Variants in GTF2H5 observed in about 807,000 individuals in gnomAD.
GTF2H5 encodes the protein general transcription factor IIH subunit 5.
Under a neutral mutation model 7.1 loss-of-function variants are expected in GTF2H5, and 5 were observed. That is an observed-to-expected ratio of 0.71 (90% CI 0.37 to 1.49). The LOEUF (loss-of-function observed/expected upper bound fraction) is 1.49. Ranked by LOEUF, GTF2H5 falls within the 40% of genes most tolerant of loss-of-function variation. The pLI, the probability that GTF2H5 is intolerant of heterozygous loss-of-function variation, is 0.03. For synonymous variants in GTF2H5, 30 were observed against 31.7 expected (o/e 0.95, Z 0.18); for missense variants, 80 against 83.0 (o/e 0.96, Z 0.14).
Position 158,193,401 on chromosome 6 carries a change from T to C in GTF2H5, c.*1244T>C, listed in dbSNP as rs1777059235. ...GCTTCCCTTCCTGAAGATCATGTCA[T>C]TGGGGTGGGTTCCTGTAAAGGGAAT... On this transcript the variant is annotated 3_prime_UTR_variant, in exon 3 of 3. Transcript: ENST00000607778. The C allele has an allele frequency of 6.6e-6, 1 of 152,164 alleles. No individual in the cohort carries two copies. The highest frequency in any genetic ancestry group is 1.5e-5 in the Non-Finnish European group (1 of 68,024). 9.4% of individuals were successfully genotyped at this position (152,164 alleles called of 1,614,324 possible).
intron 2 of GTF2H5, among the ~76,000 whole-genome samples, chr6:158,174,232 T>C (rs1322257461): frequency 2.0e-5 from 3 of 152,182 alleles, no homozygotes; most frequent in African/African-American, 7.2e-5. Flanking sequence ...GTCCCATCAT[T>C]GTATTAATAG....
chr6:158,177,222 A>G (rs761323832), intron 2 of GTF2H5, among the ~76,000 whole-genome samples: 8 of 152,248 alleles, frequency 5.3e-5, no homozygotes, highest in Non-Finnish European at 1.2e-4. Flanking sequence ...TTAATTGCTC[A>G]TTTGAGTACC....
chr6:158,174,259 G>T (rs1785899806), intron 2 of GTF2H5, among the ~76,000 whole-genome samples: 1 of 152,028 alleles, frequency 6.6e-6, no homozygotes, highest in South Asian at 2.1e-4. Flanking sequence ...ATGTGTAATA[G>T]CTTATATAGT....
chr6:158,183,431 C>T (rs1199961304), intron 2 of GTF2H5, among the ~76,000 whole-genome samples: 2 of 152,286 alleles, frequency 1.3e-5, no homozygotes, highest in East Asian at 1.9e-4. Context: ...CAGGCAGGGA[C>T]GTTTAAGTCT....
chr6:158,181,383 A>C (rs940854411), intron 2 of GTF2H5, among the ~76,000 whole-genome samples: 1 of 152,164 alleles, frequency 6.6e-6, no homozygotes. Flanking sequence ...GATGTCTGTT[A>C]GGTCCACTTG....
At chr6:158,176,991 C>G (rs1390859830) in intron 2 of GTF2H5, among the ~76,000 whole-genome samples, 1 of 152,108 alleles carries the variant, frequency 6.6e-6, no homozygotes. Flanking sequence ...GCCAGGTGTT[C>G]CTTGCCCTCA....
chr6:158,175,044 G>GTATATGTGTGTGTGTGTGTGTGTGTA (rs1554267664), intron 2 of GTF2H5, among the ~76,000 whole-genome samples: 2 of 142,794 alleles, frequency 1.4e-5, no homozygotes, highest in African/African-American at 5.3e-5. Context: ...GTGTGTGTGT[G>GTATATGTGTGTGTGTGTGTGTGTGTA]TATACACACA....
At chr6:158,183,644 C>T (rs1462930299) in intron 2 of GTF2H5, among the ~76,000 whole-genome samples, 1 of 152,192 alleles carries the variant, frequency 6.6e-6, no homozygotes, top group Non-Finnish European at 1.5e-5. Context: ...TCCGGTGTCC[C>T]AAGTCAATCT....
chr6:158,180,298 A>G (rs1046334100), intron 2 of GTF2H5, among the ~76,000 whole-genome samples: 2 of 152,184 alleles, frequency 1.3e-5, no homozygotes, highest in African/African-American at 4.8e-5. Context: ...AGATTTTTGC[A>G]TAGATGTTCA....
chr6:158,197,772 C>A lies in GTF2H5; in HGVS notation c.*5615C>A, dbSNP rs2128433153. 1 of 152,224 alleles carries A rather than the reference C, an allele frequency of 6.6e-6. No homozygotes were observed. The highest frequency in any genetic ancestry group is 1.5e-5 in the Non-Finnish European group (1 of 68,012). 9.4% of individuals were successfully genotyped at this position (152,224 alleles called of 1,614,324 possible). ...TTTAGCTAGAATTTCTATCAAAAAT[C>A]ATTAGGTATCCATCTCCCAGTCCTG... On this transcript the variant is annotated 3_prime_UTR_variant, in exon 3 of 3. Coordinates refer to ENST00000607778, the MANE Select transcript of GTF2H5 (RefSeq NM_207118.3).
intron 2 of GTF2H5, among the ~76,000 whole-genome samples, chr6:158,189,650 C>T (rs1776986582): frequency 6.6e-6 from 1 of 152,208 alleles, no homozygotes; most frequent in Non-Finnish European, 1.5e-5. Context: ...TTCGCCAGAC[C>T]TATGGTCTGT....
chr6:158,171,107 G>A (rs573344283), intron 2 of GTF2H5, among the ~76,000 whole-genome samples: 2 of 152,268 alleles, frequency 1.3e-5, no homozygotes, highest in East Asian at 3.9e-4. Context: ...TGTTTACTGT[G>A]ATGGCAAGGC....
rs34665520 is a variant in GTF2H5 at position 158,193,988 on chromosome 6, CAAAAAAAAAAA to C, written c.*1842_*1852del. On this transcript the variant is annotated 3_prime_UTR_variant, in exon 3 of 3. Transcript: ENST00000607778. ...TGGGCGACAGAGGGAGACTCCATCT[CAAAAAAAAAAA>C]AAAAAAAAAATGAATTTCCAGCTAT... 5.4e-5 allele frequency: 4 copies of C among 74,610 alleles called. No homozygotes were observed. The highest frequency in any genetic ancestry group is 1.9e-4 in the African/African-American group (4 of 21,062). 4.6% of individuals were successfully genotyped at this position (74,610 alleles called of 1,614,324 possible).
At chr6:158,169,559 T>TATAGAATATACTGTATATTAC (rs1562468610) in intron 1 of GTF2H5, among the ~76,000 whole-genome samples, 1 of 67,890 alleles carries the variant, frequency 1.5e-5, no homozygotes, top group Non-Finnish European at 2.4e-5. Context: ...CTGTATATTA[T>TATAGAATATACTGTATATTAC]ATATAATATA....
intron 2 of GTF2H5, among the ~76,000 whole-genome samples, chr6:158,173,704 A>G (rs997907474): frequency 2.6e-5 from 4 of 152,074 alleles, no homozygotes; most frequent in East Asian, 1.9e-4. Flanking sequence ...TTCATGCAGG[A>G]AAGAATTCAA....
chr6:158,173,922 C>T (rs1178123326), intron 2 of GTF2H5, among the ~76,000 whole-genome samples: 1 of 152,118 alleles, frequency 6.6e-6, no homozygotes, highest in African/African-American at 2.4e-5. Context: ...TCTGTGGAAC[C>T]AGGAGTCCCC....
In GTF2H5 at chr6:158,169,653, A is replaced by C. The variant is rs1298421695; in HGVS notation, c.-34-817A>C. Among the ~76,000 whole-genome samples the C allele has an allele frequency of 8.5e-5, 4 of 47,234 alleles. 2 individuals are homozygous for C. The highest frequency in any genetic ancestry group is 7.3e-4 in the African/African-American group (4 of 5,444). 31.0% of individuals were successfully genotyped at this position (47,234 alleles called of 152,430 possible). ...TTGTATATTACATATATTGTATATT[A>C]CATATAATATATTGTATATTATATA... On this transcript the variant is annotated intron_variant, in intron 1 of 2. Coordinates refer to ENST00000607778, the MANE Select transcript of GTF2H5 (RefSeq NM_207118.3).
At chr6:158,176,619 G>A (rs532197582) in intron 2 of GTF2H5, among the ~76,000 whole-genome samples, 25 of 152,120 alleles carry the variant, frequency 1.6e-4, no homozygotes, top group Non-Finnish European at 3.1e-4. Context: ...GTAAATTGCC[G>A]AGACCAGCTC....
intron 1 of GTF2H5, among the ~76,000 whole-genome samples, chr6:158,169,686 A>ATATATATTATATAATATATTGTGTAT (rs1785787828): frequency 2.7e-4 from 8 of 29,736 alleles, no homozygotes; most frequent in African/African-American, 6.1e-4. Flanking sequence ...ATAATATATA[A>ATATATATTATATAATATATTGTGTAT]TATATATTAT....
Sources: allele counts gnomAD v4.1 joint callset (sites outside exome capture counted in the v4.1 genomes callset), GRCh38; gene constraint gnomAD v4.1.1; transcripts MANE v1.5; gene names NCBI Gene and HGNC (gene_info 2026-07-23, HGNC 2026-07-21).